The following PDZD2 variants were observed in gnomAD, a reference collection of about 807,000 sequenced individuals.
PDZD2 encodes the protein PDZ domain containing 2.
Under a neutral mutation model 220.7 loss-of-function variants are expected in PDZD2, and 90 were observed. The ratio of observed to expected loss-of-function variants is 0.41; its 90% CI spans 0.34 to 0.49. The LOEUF is 0.49. Ranked by LOEUF, PDZD2 falls within the 20% of genes least tolerant of loss-of-function variation. The pLI is 0.28. For missense variants in PDZD2, 3,174 were observed against 3,608.5 expected, an observed-to-expected ratio of 0.88 and a Z score of 3.08; for synonymous variants, 1,375 against 1,450.5, an observed-to-expected ratio of 0.95 and a Z score of 1.18.
intron 6 of PDZD2, among the ~76,000 whole-genome samples, chr5:32,029,388 A>G (rs1754953652): frequency 6.9e-6 from 1 of 145,346 alleles, no homozygotes; most frequent in Admixed American, 7.0e-5. Flanking sequence ...TGCTGGCAGG[A>G]GACTTGAGAT....
chr5:32,000,307 G>A lies in PDZD2; in HGVS notation c.1254+36G>A. On this transcript the variant is annotated intron_variant, in intron 5 of 24. Coordinates refer to ENST00000438447, the MANE Select transcript of PDZD2 (RefSeq NM_178140.4). This position sits in a 1 kb window ranked among gnomAD's most constrained non-coding sequence, Gnocchi z 4.5. The stretch of plus-strand genomic sequence containing the variant: ...TTTGTTTTTTGGTACTCGTAATGGT[G>A]GCAGTGGTGAGTTGGGGTTGAGCCC... The A allele has an allele frequency of 6.2e-7, 1 of 1,611,570 alleles. No homozygotes were observed. Among genetic ancestry groups the A allele is most frequent in the South Asian group, 1.1e-5 (1 of 90,956 alleles).
chr5:31,995,494 C>T (rs1169733391), intron 3 of PDZD2, 82 bp from the exon 4 acceptor site: 1 of 1,427,804 alleles, frequency 7.0e-7, no homozygotes, highest in African/African-American at 1.4e-5. Flanking sequence ...GATATTCGGC[C>T]AGACGTGACA....
intron 17 of PDZD2, 51 bp from the exon 18 acceptor site, chr5:32,073,781 C>A: frequency 3.3e-6 from 4 of 1,211,908 alleles, no homozygotes; most frequent in Admixed American, 2.0e-5. Context: ...TAAGACAGGG[C>A]CAAGTGGGAA....
At chr5:31,933,060 G>A (rs1388866805) in intron 2 of PDZD2, among the ~76,000 whole-genome samples, 1 of 151,978 alleles carries the variant, frequency 6.6e-6, no homozygotes, top group African/African-American at 2.4e-5. Context: ...ACAGATGTGT[G>A]CCACCACGCC....
intron 1 of PDZD2, among the ~76,000 whole-genome samples, chr5:31,663,756 G>C (rs1745870592): frequency 1.3e-5 from 2 of 152,184 alleles, no homozygotes; most frequent in African/African-American, 4.8e-5. Context: ...AACCTTGAAA[G>C]GGTTGTTCCT....
chr5:31,740,524 C>CAAAAAAAAAAAAAAAAAAAAAAAAAAAAA (rs58965956), intron 1 of PDZD2, among the ~76,000 whole-genome samples: 1 of 60,060 alleles, frequency 1.7e-5, no homozygotes, highest in Non-Finnish European at 3.6e-5. Flanking sequence ...GACTCCGTCT[C>CAAAAAAAAAAAAAAAAAAAAAAAAAAAAA]AAAAAAAAAA....
intron 2 of PDZD2, among the ~76,000 whole-genome samples, chr5:31,856,403 A>G (rs982799467): frequency 1.3e-5 from 2 of 152,198 alleles, no homozygotes; most frequent in African/African-American, 4.8e-5. Flanking sequence ...AAGAGTTCTC[A>G]GAGCGGGCCA....
In PDZD2 at chr5:31,989,675, C is replaced by T. The variant is rs138857898; in HGVS notation, c.979-5901C>T. ...CTGACCTCTAGTGATCTGCCTGCCT[C>T]GGCCTCCCAAAGTGCCGGGATTACA... On this transcript the variant is annotated intron_variant, in intron 3 of 24. Transcript: ENST00000438447. Among the ~76,000 whole-genome samples, 945 of 152,256 alleles carry T rather than the reference C, an allele frequency of 6.2e-3. 15 individuals carry two copies. The highest frequency in any genetic ancestry group is 0.022 in the African/African-American group (912 of 41,560).
intron 2 of PDZD2, chr5:31,823,152 GGCAAAAAA>G: frequency 1.0e-5 from 1 of 98,034 alleles, no homozygotes; most frequent in South Asian, 2.0e-4. Flanking sequence ...CAGTAGACGT[GGCAAAAAA>G]AAAAAAAAAA....
chr5:31,662,717 C>T (rs1745817279), intron 1 of PDZD2, among the ~76,000 whole-genome samples: 1 of 152,178 alleles, frequency 6.6e-6, no homozygotes, highest in Non-Finnish European at 1.5e-5. Flanking sequence ...GCATGCTCCG[C>T]CTCCCAGGTT....
intron 2 of PDZD2, among the ~76,000 whole-genome samples, chr5:31,854,216 A>G (rs1758229059): frequency 1.3e-5 from 2 of 152,188 alleles, no homozygotes; most frequent in African/African-American, 2.4e-5. Context: ...AGTGGGTGTG[A>G]TGTAAACAAT....
chr5:32,031,955 A>G (rs529867240), intron 6 of PDZD2, among the ~76,000 whole-genome samples: 85 of 152,338 alleles, frequency 5.6e-4, no homozygotes, highest in African/African-American at 1.8e-3. Flanking sequence ...AAATTGCATT[A>G]TACTCTGCAT....
intron 2 of PDZD2, among the ~76,000 whole-genome samples, chr5:31,966,713 G>A (rs182387213): frequency 1.2e-3 from 186 of 152,240 alleles, no homozygotes; most frequent in African/African-American, 4.2e-3. Flanking sequence ...GGAAAAATTC[G>A]AAAGAATTGT....
chr5:32,020,642 C>CTTTT (rs11459649), intron 6 of PDZD2, among the ~76,000 whole-genome samples: 9 of 146,244 alleles, frequency 6.2e-5, no homozygotes, highest in Non-Finnish European at 6.0e-5. Context: ...ACAAAATGAT[C>CTTTT]TTTTTTTTTT....
chr5:31,770,993 A>C (rs1316150654), intron 1 of PDZD2, among the ~76,000 whole-genome samples: 1 of 152,118 alleles, frequency 6.6e-6, no homozygotes, highest in Non-Finnish European at 1.5e-5. Context: ...TGGTTGAATC[A>C]TTAGGGAAGC....
At chr5:31,801,635 G>A (rs1260425749) in intron 2 of PDZD2, among the ~76,000 whole-genome samples, 1 of 152,196 alleles carries the variant, frequency 6.6e-6, no homozygotes, top group East Asian at 1.9e-4. Flanking sequence ...GATAACTGGG[G>A]CTGCCTCCTT....
At position 32,010,434 on chromosome 5, in the gene PDZD2, G is replaced by A; in HGVS notation, c.1359G>A (p.Glu453=). 6.2e-7 allele frequency: 1 copy of A among 1,613,068 alleles called. No individual in the cohort carries two copies. The highest frequency in any genetic ancestry group is 8.5e-7 in the Non-Finnish European group (1 of 1,179,018). The change falls in exon 6 of 25, where the codon GAG becomes GAA. Residue 453 remains glutamate (E), a synonymous_variant. Transcript: ENST00000438447. Reference sequence around the variant, plus strand: ...CCTGGACTGATAACGAAGACCAGGAGGCAGACGGGGAAGAGGACGAAGGAA... The same window carrying A: ...CCTGGACTGATAACGAAGACCAGGAAGCAGACGGGGAAGAGGACGAAGGAA... ...VSSWTDNEDQ[E]ADGEEDEGTS...
At chr5:31,842,669 C>T (rs757380385) in intron 2 of PDZD2, among the ~76,000 whole-genome samples, 11 of 152,078 alleles carry the variant, frequency 7.2e-5, no homozygotes, top group Non-Finnish European at 1.3e-4. Context: ...TCTATCATTC[C>T]TTCTTTGTGG....
At position 31,661,789 on chromosome 5, in the gene PDZD2, T is replaced by TTTG. The variant is rs1228140567; in HGVS notation, c.-361+22354_-361+22355insGTT. Among the ~76,000 whole-genome samples, 32 of 151,460 alleles carry TTTG rather than the reference T, an allele frequency of 2.1e-4. No homozygotes were observed. In the East Asian group the frequency reaches 6.2e-3, roughly 29 times the overall value. ...AAATAAGTAGTTCCTCCCTTGGTTT[T>TTTG]TTTTTTTTTTCTTTTTTTTTCATCA... On this transcript the variant is annotated intron_variant, in intron 1 of 24. Transcript: ENST00000438447.
Sources: allele counts gnomAD v4.1 joint callset (sites outside exome capture counted in the v4.1 genomes callset), GRCh38; gene constraint gnomAD v4.1.1; non-coding constraint Gnocchi (gnomAD v3.1); transcripts MANE v1.5; gene names NCBI Gene and HGNC (gene_info 2026-07-23, HGNC 2026-07-21).